Variants in PHEX observed in about 807,000 individuals in gnomAD.
PHEX encodes the protein phosphate-regulating neutral endopeptidase PHEX.
A neutral mutation model predicts 68.0 loss-of-function variants in PHEX; 16 were observed. That is an observed-to-expected ratio of 0.24 (90% CI 0.16 to 0.36). The LOEUF (loss-of-function observed/expected upper bound fraction) is 0.36. PHEX is among the 10% of genes least tolerant of loss of function. The probability of loss-of-function intolerance (pLI) is 1.00; values close to 1 mark genes in which losing one functional copy is unlikely to be tolerated. For synonymous variants in PHEX, 208 were observed against 205.1 expected, an observed-to-expected ratio of 1.01 and a Z score of -0.12; for missense variants, 480 against 575.5, an observed-to-expected ratio of 0.83 and a Z score of 1.70.
intron 7 of PHEX, among the ~76,000 whole-genome samples, chrX:22,096,437 A>G (rs951757845): frequency 1.8e-5 from 2 of 112,048 alleles, no homozygotes; most frequent in Non-Finnish European, 3.8e-5. Flanking sequence ...CAATGGGGCT[A>G]GGGAAATCTC....
At chrX:22,242,300 G>T (rs2147209481) in intron 20 of PHEX, among the ~76,000 whole-genome samples, 1 of 111,813 alleles carries the variant, frequency 8.9e-6, no homozygotes, top group African/African-American at 3.2e-5. Flanking sequence ...AGCTATTTAT[G>T]ACAAACCCAC....
At chrX:22,213,376 G>A (rs953995806) in intron 16 of PHEX, among the ~76,000 whole-genome samples, 9 of 111,912 alleles carry the variant, frequency 8.0e-5, no homozygotes, top group Non-Finnish European at 1.3e-4. Context: ...ATGAAAGGAA[G>A]TAGTGGAAAA....
chrX:22,189,956 G>A (rs1934146377), intron 14 of PHEX, among the ~76,000 whole-genome samples: 1 of 112,174 alleles, frequency 8.9e-6, no homozygotes, highest in Admixed American at 9.4e-5. Context: ...CCTCTGGGTG[G>A]CATAGTTGGA....
chrX:22,048,482 A>G (rs890646223), intron 3 of PHEX, among the ~76,000 whole-genome samples: 5 of 110,718 alleles, frequency 4.5e-5, no homozygotes, highest in Admixed American at 9.7e-5. Context: ...ACACATGTGC[A>G]CACACACACA....
At chrX:22,154,761 T>C (rs1932914369) in intron 12 of PHEX, among the ~76,000 whole-genome samples, 1 of 111,756 alleles carries the variant, frequency 8.9e-6, no homozygotes, top group Non-Finnish European at 1.9e-5. Flanking sequence ...TTCAACAAGC[T>C]CCCACGTGAC....
intron 5 of PHEX, among the ~76,000 whole-genome samples, chrX:22,079,546 A>T (rs756248442): frequency 5.4e-5 from 6 of 111,613 alleles, no homozygotes; most frequent in African/African-American, 1.9e-4. Flanking sequence ...TCCATAATTA[A>T]CATCTAATAA....
chrX:22,246,384 T>C (rs772369511), intron 21 of PHEX, among the ~76,000 whole-genome samples: 4 of 112,074 alleles, frequency 3.6e-5, no homozygotes, highest in Admixed American at 9.5e-5. Flanking sequence ...ATCTAAAATT[T>C]CTTCTATATG....
intron 5 of PHEX, among the ~76,000 whole-genome samples, chrX:22,085,544 C>T (rs1929591374): frequency 9.7e-6 from 1 of 103,603 alleles, no homozygotes; most frequent in Admixed American, 1.0e-4. Context: ...CACTGCACTC[C>T]AGCCTGGGCA....
In PHEX at chrX:22,069,237, T is replaced by A. The variant is rs1029735597; in HGVS notation, c.350-7151T>A. On this transcript the variant is annotated intron_variant, in intron 3 of 21. Coordinates refer to ENST00000379374, the MANE Select transcript of PHEX (RefSeq NM_000444.6). ...TAAACCTCAAGTTTGGCACAGACCT[T>A]ACATGGAATTATCTGCTAAGATACA... Among the ~76,000 whole-genome samples the A allele has an allele frequency of 2.7e-5, 3 of 112,182 alleles. No individual in the cohort carries two copies. In the Admixed American group the frequency reaches 2.8e-4, roughly 11 times the overall value.
chrX:22,071,940 A>G (rs1928919744), intron 3 of PHEX, among the ~76,000 whole-genome samples: 1 of 111,145 alleles, frequency 9.0e-6, no homozygotes, highest in Non-Finnish European at 1.9e-5. Flanking sequence ...TCTACTAAAA[A>G]TACAGGCTGG....
intron 14 of PHEX, among the ~76,000 whole-genome samples, chrX:22,183,170 T>A (rs1426702825): frequency 9.0e-6 from 1 of 110,946 alleles, no homozygotes; most frequent in African/African-American, 3.3e-5. Context: ...AGTCTTTTGC[T>A]ACTCTCCCTT....
chrX:22,242,363 A>G (rs928364355), intron 20 of PHEX, among the ~76,000 whole-genome samples: 1 of 111,930 alleles, frequency 8.9e-6, no homozygotes, highest in African/African-American at 3.2e-5. Context: ...TTTGAAAACC[A>G]GCACAAGACA....
Position 22,142,096 on chromosome X carries a change from C to T in PHEX, c.1404+8472C>T, listed in dbSNP as rs1210483755. ...TGAAACCCTGTCTCTACTAAAAATACAAAAAATTAGCCGGGTGTGGTGGCA... is the reference window on the plus strand; with the variant it reads ...TGAAACCCTGTCTCTACTAAAAATATAAAAAATTAGCCGGGTGTGGTGGCA... On this transcript the variant is annotated intron_variant, in intron 12 of 21. Transcript: ENST00000379374. 2.7e-5 allele frequency among the ~76,000 whole-genome samples: 3 copies of T among 111,187 alleles called. No individual in the cohort carries two copies. In the Admixed American group the frequency reaches 2.9e-4, roughly 11 times the overall value.
intron 20 of PHEX, among the ~76,000 whole-genome samples, chrX:22,231,679 C>A (rs1000271964): frequency 4.5e-5 from 5 of 111,181 alleles, no homozygotes; most frequent in Non-Finnish European, 7.5e-5. Context: ...GTCTTTCTTG[C>A]TAGTGGTCTA....
At chrX:22,196,779 G>A (rs952744951) in intron 15 of PHEX, among the ~76,000 whole-genome samples, 1 of 112,162 alleles carries the variant, frequency 8.9e-6, no homozygotes, top group Non-Finnish European at 1.9e-5. Context: ...TATCTTTGCT[G>A]TTATACACAA....
Position 22,190,479 on chromosome X carries a change from A to G in PHEX, c.1622A>G (p.Tyr541Cys). The change falls in exon 15 of 22, where the codon TAC (tyrosine) becomes TGC (cysteine). Residue 541 changes from tyrosine to cysteine, a missense_variant. Tyr to Cys is a radical substitution (Grantham distance 194). Transcript: ENST00000379374. The stretch of plus-strand genomic sequence containing the variant: ...AATCCGACGACTGTCAATGCCTTCT[A>G]CAGTGCATCCACCAACCAGATCCGT... The part of the protein sequence containing the change: ...FTNPTTVNAF[Y>C]SASTNQIRFP... 8.3e-7 allele frequency: 1 copy of G among 1,198,293 alleles called. No individual in the cohort carries two copies.
intron 9 of PHEX, among the ~76,000 whole-genome samples, chrX:22,110,990 A>G (rs970832688): frequency 9.8e-5 from 11 of 112,208 alleles, no homozygotes; most frequent in African/African-American, 2.3e-4. Context: ...GGAGGAAACC[A>G]CAGCACCCAG....
intron 9 of PHEX, 79 bp from the exon 10 acceptor site, chrX:22,111,388 C>G (rs185117854): frequency 1.2e-6 from 1 of 801,812 alleles, no homozygotes; most frequent in East Asian, 3.2e-5. Flanking sequence ...GCTTTGCCAA[C>G]TGTTTCTCTC....
chrX:22,157,795 A>T (rs1335608939), intron 12 of PHEX, among the ~76,000 whole-genome samples: 1 of 111,723 alleles, frequency 9.0e-6, no homozygotes, highest in Non-Finnish European at 1.9e-5. Context: ...CATTATTCAC[A>T]TGGGGTTGAG....
Sources: gnomAD v4.1 joint callset for allele counts (sites outside exome capture counted in the v4.1 genomes callset) on GRCh38, gnomAD v4.1.1 for gene constraint, MANE v1.5 for transcripts, NCBI Gene and HGNC (gene_info 2026-07-23, HGNC 2026-07-21) for gene names.